UNC5D: variants seen among roughly 807,000 people sequenced by gnomAD.
UNC5D encodes netrin receptor UNC5D.
In UNC5D, 39 loss-of-function variants were observed where a neutral mutation model predicts 105.4. That is an observed-to-expected ratio of 0.37 (90% CI 0.29 to 0.48). UNC5D has a LOEUF of 0.48. UNC5D is among the 20% of genes least tolerant of loss of function. The pLI, the probability that UNC5D is intolerant of heterozygous loss-of-function variation, is 0.98. For missense variants in UNC5D, 991 were observed against 1,202.4 expected (o/e 0.82, Z 2.60); for synonymous variants, 452 against 450.4 (o/e 1.00, Z -0.04).
chr8:35,771,830 G>A (rs143841376), intron 15 of UNC5D, among the ~76,000 whole-genome samples: 38 of 152,282 alleles, frequency 2.5e-4, no homozygotes, highest in Admixed American at 2.4e-3. Context: ...TGGTATAGTT[G>A]TTAGGATGTC....
chr8:35,281,967 T>C (rs998427528), intron 1 of UNC5D, among the ~76,000 whole-genome samples: 3 of 152,226 alleles, frequency 2.0e-5, no homozygotes, highest in Non-Finnish European at 4.4e-5. Context: ...TCCCTGCACA[T>C]GTACTCGGTT....
chr8:35,328,243 T>G (rs1401414677), intron 1 of UNC5D, among the ~76,000 whole-genome samples: 1 of 151,948 alleles, frequency 6.6e-6, no homozygotes, highest in African/African-American at 2.4e-5. Flanking sequence ...ATTTATTTAT[T>G]TTGCCTAATG....
chr8:35,343,763 GC>G (rs1389997434), intron 1 of UNC5D, among the ~76,000 whole-genome samples: 2 of 152,182 alleles, frequency 1.3e-5, no homozygotes, highest in African/African-American at 4.8e-5. Context: ...TTCTATGTTA[GC>G]CATCATTTGG....
rs896589001 is a variant in UNC5D, at chr8:35,796,416, T to C, written c.*5853T>C. ...AACAAAATGGACGGTTTGGATGTTTTATGTCGAGTTTGCAAAAAAAAAAAA... is the reference window on the plus strand; with the variant it reads ...AACAAAATGGACGGTTTGGATGTTTCATGTCGAGTTTGCAAAAAAAAAAAA... On this transcript the variant is annotated 3_prime_UTR_variant, in exon 17 of 17. Coordinates refer to ENST00000404895, the MANE Select transcript of UNC5D (RefSeq NM_080872.4). 3.6e-5 allele frequency: 5 copies of C among 139,392 alleles called. No homozygotes were observed. Among genetic ancestry groups the C allele is most frequent in the African/African-American group, 5.7e-5 (2 of 34,866 alleles). 8.6% of individuals were successfully genotyped at this position (139,392 alleles called of 1,614,324 possible). A position where few individuals can be genotyped will look rare whatever the true frequency, so the allele number is the denominator to read the frequency against.
intron 1 of UNC5D, among the ~76,000 whole-genome samples, chr8:35,391,877 C>G (rs968791853): frequency 6.6e-6 from 1 of 152,094 alleles, no homozygotes; most frequent in African/African-American, 2.4e-5. Flanking sequence ...GATAAGTAAC[C>G]TATTGTACTT....
chr8:35,235,757 A>G lies in UNC5D; in HGVS notation c.-28A>G, dbSNP rs1802412125. ...CCCGGGCTCCCGGAGCGTGAAGAAG[A>G]GCCGCCCTCCGGAACGCGGCGAGGA... On this transcript the variant is annotated 5_prime_UTR_variant, in exon 1 of 17. Transcript: ENST00000404895. 1.6e-6 allele frequency: 2 copies of G among 1,227,894 alleles called. No individual in the cohort carries two copies. Among genetic ancestry groups the G allele is most frequent in the East Asian group, 3.2e-5 (1 of 31,342 alleles). The allele number at this position is 1,227,894 out of a possible 1,614,324, so 76.1% of individuals were successfully genotyped here.
In UNC5D at chr8:35,595,645, C is replaced by G; in HGVS notation, c.558C>G (p.Val186=). ...IVLHCRPPEG[V]PAAEVEWLKN... ...TGCACTGCCGCCCACCAGAGGGAGTCCCTGCTGCCGAGGTAAGACAGGATC... is the reference window on the plus strand; with the variant it reads ...TGCACTGCCGCCCACCAGAGGGAGTGCCTGCTGCCGAGGTAAGACAGGATC... Residue 186 remains valine, a synonymous_variant, in exon 4 of 17, where the codon GTC becomes GTG. Coordinates refer to ENST00000404895, the MANE Select transcript of UNC5D (RefSeq NM_080872.4). The G allele has an allele frequency of 6.2e-7, 1 of 1,613,946 alleles. No individual in the cohort carries two copies. The highest frequency in any genetic ancestry group is 8.5e-7 in the Non-Finnish European group (1 of 1,179,910).
In UNC5D at chr8:35,723,198, G is replaced by A. The variant is rs921017035; in HGVS notation, c.1303+803G>A. 5.3e-5 allele frequency among the ~76,000 whole-genome samples: 8 copies of A among 152,154 alleles called. No homozygotes were observed. In the East Asian group the frequency reaches 5.8e-4, roughly 11 times the overall value. ...TGTGCATCAGTGGTGCCTACAGCGC[G>A]GAACCAGAAGTCTCAGTGCAAGGCA... On this transcript the variant is annotated intron_variant, in intron 9 of 16. Transcript: ENST00000404895.
chr8:35,315,975 T>C (rs1809272603), intron 1 of UNC5D, among the ~76,000 whole-genome samples: 1 of 152,114 alleles, frequency 6.6e-6, no homozygotes, highest in Non-Finnish European at 1.5e-5. Context: ...AAAATGATTA[T>C]CAGAAGGCTG....
At chr8:35,440,907 A>T (rs1807352107) in intron 1 of UNC5D, among the ~76,000 whole-genome samples, 1 of 151,972 alleles carries the variant, frequency 6.6e-6, no homozygotes, top group Admixed American at 6.6e-5. Context: ...TCTCCATGAA[A>T]GACTATACAT....
intron 16 of UNC5D, among the ~76,000 whole-genome samples, chr8:35,776,981 T>G (rs1031155435): frequency 6.6e-6 from 1 of 151,908 alleles, no homozygotes; most frequent in African/African-American, 2.4e-5. Context: ...ATTAGCCGGG[T>G]GCGGTGGCTC....
chr8:35,301,285 C>A (rs1807938165), intron 1 of UNC5D, among the ~76,000 whole-genome samples: 1 of 152,078 alleles, frequency 6.6e-6, no homozygotes, highest in African/African-American at 2.4e-5. Flanking sequence ...ACAGCTTGAG[C>A]AAATAAGTCA....
intron 2 of UNC5D, among the ~76,000 whole-genome samples, chr8:35,549,735 A>G (rs969800725): frequency 2.0e-5 from 3 of 152,184 alleles, no homozygotes; most frequent in African/African-American, 7.2e-5. Flanking sequence ...CTTGCTGTAG[A>G]TAACTTTAAA....
At chr8:35,673,040 A>ATCAT (rs1248703930) in intron 4 of UNC5D, among the ~76,000 whole-genome samples, 1 of 152,156 alleles carries the variant, frequency 6.6e-6, no homozygotes, top group Non-Finnish European at 1.5e-5. Context: ...GAGGTTTTCT[A>ATCAT]TCATTTGCTT....
intron 4 of UNC5D, among the ~76,000 whole-genome samples, chr8:35,620,162 CTT>C (rs1227222695): frequency 2.0e-5 from 3 of 152,198 alleles, no homozygotes; most frequent in Non-Finnish European, 2.9e-5. Flanking sequence ...TTGACAAAGA[CTT>C]TGAAGATTTC....
chr8:35,569,272 T>G (rs1817567338), intron 3 of UNC5D, among the ~76,000 whole-genome samples: 1 of 152,148 alleles, frequency 6.6e-6, no homozygotes. Flanking sequence ...AAACCTCTTT[T>G]GTGTGCCTGG....
chr8:35,518,857 A>G (rs1323325465), intron 1 of UNC5D, among the ~76,000 whole-genome samples: 2 of 144,996 alleles, frequency 1.4e-5, no homozygotes, highest in Non-Finnish European at 3.0e-5. Context: ...TCATCTTAGA[A>G]ATTCTCTTTA....
At chr8:35,510,254 G>A (rs1812606579) in intron 1 of UNC5D, among the ~76,000 whole-genome samples, 1 of 137,758 alleles carries the variant, frequency 7.3e-6, no homozygotes, top group Non-Finnish European at 1.5e-5. Flanking sequence ...CCAGTGACCA[G>A]CCCCCACCCT....
intron 4 of UNC5D, among the ~76,000 whole-genome samples, chr8:35,620,243 C>T (rs985018643): frequency 1.1e-4 from 16 of 152,172 alleles, no homozygotes; most frequent in Admixed American, 9.2e-4. Context: ...TTACCAGTAA[C>T]TTTGATCCCA....
Sources: allele counts gnomAD v4.1 joint callset (sites outside exome capture counted in the v4.1 genomes callset), GRCh38; gene constraint gnomAD v4.1.1; transcripts MANE v1.5; gene names NCBI Gene and HGNC (gene_info 2026-07-23, HGNC 2026-07-21).